The following COL23A1 variants were observed in gnomAD, a reference collection of about 807,000 sequenced individuals.
The protein encoded by COL23A1 is collagen type XXIII alpha 1 chain.
A neutral mutation model predicts 99.3 loss-of-function variants in COL23A1; 97 were observed. That is an observed-to-expected ratio of 0.98 (90% CI 0.83 to 1.16). COL23A1 has a LOEUF of 1.16. Ranked by LOEUF, COL23A1 falls within the 50% of genes most tolerant of loss-of-function variation. The pLI is 0.00. For missense variants in COL23A1, 762 were observed against 757.4 expected (o/e 1.01, Z -0.07); for synonymous variants, 320 against 308.2 (o/e 1.04, Z -0.40).
chr5:178,299,788 C>G (rs990703115), intron 3 of COL23A1, among the ~76,000 whole-genome samples: 10 of 152,098 alleles, frequency 6.6e-5, no homozygotes, highest in Non-Finnish European at 1.2e-4. Context: ...GAGACTGGCT[C>G]TGTCACCCAG....
At chr5:178,382,400 T>G (rs1763431013) in intron 2 of COL23A1, among the ~76,000 whole-genome samples, 1 of 151,832 alleles carries the variant, frequency 6.6e-6, no homozygotes, top group Non-Finnish European at 1.5e-5. Context: ...AGGATGAGAA[T>G]CATGTTGGAA....
intron 2 of COL23A1, among the ~76,000 whole-genome samples, chr5:178,316,473 T>C (rs1758989996): frequency 6.6e-6 from 1 of 152,218 alleles, no homozygotes; most frequent in African/African-American, 2.4e-5. Flanking sequence ...TCAAATTCAG[T>C]GTGGAGCTTT....
At chr5:178,578,048 T>C (rs262050) in intron 1 of COL23A1, among the ~76,000 whole-genome samples, 2,565 of 151,074 alleles carry the variant, frequency 0.017, 83 homozygotes, top group African/African-American at 0.06. Flanking sequence ...CACACGTGCA[T>C]GCACACACCC....
chr5:178,391,597 G>A (rs972129444), intron 2 of COL23A1, among the ~76,000 whole-genome samples: 1 of 150,362 alleles, frequency 6.7e-6, no homozygotes, highest in Non-Finnish European at 1.5e-5. Context: ...TGGTGAGGAT[G>A]GGGGGAAACT....
intron 1 of COL23A1, among the ~76,000 whole-genome samples, chr5:178,563,526 C>CTTT (rs779487808): frequency 0.027 from 2,261 of 83,072 alleles, 167 homozygotes; most frequent in African/African-American, 0.062. Context: ...TCAGAACTCA[C>CTTT]TTTTTTTTTT....
intron 2 of COL23A1, among the ~76,000 whole-genome samples, chr5:178,368,632 G>A (rs1488359653): frequency 6.6e-6 from 1 of 152,194 alleles, no homozygotes; most frequent in Non-Finnish European, 1.5e-5. Flanking sequence ...CTTGAGCAGG[G>A]GAAGAGTGGG....
At chr5:178,348,928 C>T (rs1224009686) in intron 2 of COL23A1, among the ~76,000 whole-genome samples, 4 of 152,200 alleles carry the variant, frequency 2.6e-5, no homozygotes, top group East Asian at 1.9e-4. Context: ...CCCCCACCCG[C>T]GTCAGCAGCA....
intron 2 of COL23A1, among the ~76,000 whole-genome samples, chr5:178,391,313 T>A (rs187516281): frequency 2.0e-5 from 3 of 152,166 alleles, no homozygotes; most frequent in African/African-American, 7.2e-5. Context: ...AGATAAGCCA[T>A]GGAATGGCAG....
At chr5:178,411,781 T>A (rs1765068678) in intron 2 of COL23A1, among the ~76,000 whole-genome samples, 1 of 152,306 alleles carries the variant, frequency 6.6e-6, no homozygotes, top group East Asian at 1.9e-4. Context: ...GCTATATGAA[T>A]TTCACCTCAA....
chr5:178,500,676 C>T (rs1010501981), intron 2 of COL23A1, among the ~76,000 whole-genome samples: 2 of 149,806 alleles, frequency 1.3e-5, no homozygotes, highest in Non-Finnish European at 3.0e-5. Flanking sequence ...TGGATCCCTA[C>T]CCCATAACAT....
At chr5:178,545,461 G>T (rs1260809531) in intron 2 of COL23A1, among the ~76,000 whole-genome samples, 1 of 152,208 alleles carries the variant, frequency 6.6e-6, no homozygotes, top group Non-Finnish European at 1.5e-5. Flanking sequence ...GAACTGAAAA[G>T]AATGAAAAGA....
At chr5:178,568,093 C>A (rs931994528) in intron 1 of COL23A1, among the ~76,000 whole-genome samples, 1 of 152,216 alleles carries the variant, frequency 6.6e-6, no homozygotes. Context: ...GGCAATCCAC[C>A]TCAGTGGTAT....
chr5:178,302,623 T>C (rs1443942161), intron 3 of COL23A1, among the ~76,000 whole-genome samples: 4 of 152,254 alleles, frequency 2.6e-5, no homozygotes, highest in African/African-American at 9.6e-5. Context: ...GACATGTACA[T>C]AGCTGATGTG....
intron 2 of COL23A1, among the ~76,000 whole-genome samples, chr5:178,397,401 T>C (rs1341329983): frequency 6.6e-6 from 1 of 152,148 alleles, no homozygotes; most frequent in African/African-American, 2.4e-5. Context: ...GACATATGTT[T>C]CGGGGGAGAA....
At chr5:178,497,695 C>G (rs1272291632) in intron 2 of COL23A1, among the ~76,000 whole-genome samples, 1 of 152,084 alleles carries the variant, frequency 6.6e-6, no homozygotes, top group Non-Finnish European at 1.5e-5. Flanking sequence ...AATGTAGCAT[C>G]TATACACAAA....
chr5:178,249,027 G>C lies in COL23A1; in HGVS notation c.1149+90C>G, dbSNP rs372399544. 20 of 1,334,928 alleles carry C rather than the reference G, an allele frequency of 1.5e-5. No homozygotes were observed. In the African/African-American group the frequency reaches 2.7e-4, roughly 18 times the overall value. 82.7% of individuals were successfully genotyped at this position (1,334,928 alleles called of 1,614,324 possible). On this transcript the variant is annotated intron_variant, in intron 19 of 28. Coordinates refer to ENST00000390654, the MANE Select transcript of COL23A1 (RefSeq NM_173465.4). ...AGACCGCAGGGGCTGTCAGGGTCAC[G>C]CCCTGGCCTCCCCACAGCACGGGGG... is the stretch of plus-strand genomic sequence containing the variant.
At chr5:178,520,376 C>T (rs1759873084) in intron 2 of COL23A1, among the ~76,000 whole-genome samples, 1 of 152,218 alleles carries the variant, frequency 6.6e-6, no homozygotes, top group South Asian at 2.1e-4. Flanking sequence ...ACTGCACCAA[C>T]ACCTCATACG....
chr5:178,555,809 A>G (rs1384041177), intron 2 of COL23A1, among the ~76,000 whole-genome samples: 1 of 152,140 alleles, frequency 6.6e-6, no homozygotes, highest in African/African-American at 2.4e-5. Context: ...CCGAGTCACT[A>G]CTGTTCACAG....
chr5:178,478,922 C>T (rs913236437), intron 2 of COL23A1, among the ~76,000 whole-genome samples: 4 of 152,124 alleles, frequency 2.6e-5, no homozygotes, highest in Non-Finnish European at 5.9e-5. Context: ...TTTCTGGATT[C>T]GGGTGCCATA....
Sources: gnomAD v4.1 joint callset for allele counts (sites outside exome capture counted in the v4.1 genomes callset) on GRCh38, gnomAD v4.1.1 for gene constraint, MANE v1.5 for transcripts, NCBI Gene and HGNC (gene_info 2026-07-23, HGNC 2026-07-21) for gene names.